CNTN5: variants seen among roughly 807,000 people sequenced by gnomAD.
The protein encoded by CNTN5 is contactin-5.
Under a neutral mutation model 129.1 loss-of-function variants are expected in CNTN5, and 77 were observed. That is an observed-to-expected ratio of 0.60 (90% confidence interval 0.50 to 0.72). The LOEUF is 0.72. Among genes scored for constraint, CNTN5 ranks in the 30% least tolerant of loss-of-function variants. The probability of loss-of-function intolerance (pLI) is 0.00; values close to 1 mark genes in which losing one functional copy is unlikely to be tolerated. For missense variants in CNTN5, 1,478 were observed against 1,328.8 expected, an observed-to-expected ratio of 1.11 and a Z score of -1.75; for synonymous variants, 509 against 465.6, an observed-to-expected ratio of 1.09 and a Z score of -1.20.
At chr11:99,763,219 A>G (rs1944647205) in intron 3 of CNTN5, among the ~76,000 whole-genome samples, 2 of 152,132 alleles carry the variant, frequency 1.3e-5, no homozygotes, top group Admixed American at 6.6e-5. Flanking sequence ...CTTGTCAGAT[A>G]TAGAATATAA....
Position 99,637,510 on chromosome 11 carries a change from T to G in CNTN5, c.55+81241T>G, listed in dbSNP as rs944105340. Among the ~76,000 whole-genome samples, 6 of 152,296 alleles carry G rather than the reference T, an allele frequency of 3.9e-5. 1 individual carries two copies. In the South Asian group the frequency reaches 1.2e-3, roughly 32 times the overall value. ...ATCTTGGAGAATTTCAGGTGGTTGATGAAGACTGTGCCAATTACTAAAAAA... is the reference window on the plus strand; with the variant it reads ...ATCTTGGAGAATTTCAGGTGGTTGAGGAAGACTGTGCCAATTACTAAAAAA... On this transcript the variant is annotated intron_variant, in intron 3 of 24. Coordinates refer to ENST00000524871, the MANE Select transcript of CNTN5 (RefSeq NM_014361.4).
chr11:99,162,155 TA>T (rs1860642409), intron 1 of CNTN5, among the ~76,000 whole-genome samples: 1 of 152,140 alleles, frequency 6.6e-6, no homozygotes, highest in Admixed American at 6.5e-5. Context: ...TGATCTAAAC[TA>T]AAAAGAGCTA....
intron 2 of CNTN5, among the ~76,000 whole-genome samples, chr11:99,349,390 G>C (rs1392703106): frequency 6.6e-6 from 1 of 152,204 alleles, no homozygotes; most frequent in South Asian, 2.1e-4. Flanking sequence ...CTACCCTTAA[G>C]TGAACTGCTG....
At chr11:99,871,999 A>G (rs1247983300) in intron 6 of CNTN5, among the ~76,000 whole-genome samples, 1 of 151,854 alleles carries the variant, frequency 6.6e-6, no homozygotes, top group Non-Finnish European at 1.5e-5. Context: ...GCCCTTAGAG[A>G]AAAATAAATG....
At chr11:99,744,721 GAAA>G (rs35204165) in intron 3 of CNTN5, among the ~76,000 whole-genome samples, 2,618 of 112,828 alleles carry the variant, frequency 0.023, 99 homozygotes, top group African/African-American at 0.084. Flanking sequence ...CCCTGTCTCA[GAAA>G]AAAAAAAAAA....
chr11:99,618,728 T>TTGTA (rs1950836606), intron 3 of CNTN5, among the ~76,000 whole-genome samples: 1 of 151,820 alleles, frequency 6.6e-6, no homozygotes, highest in Non-Finnish European at 1.5e-5. Context: ...ATTGTGTCTG[T>TTGTA]TATACCAGGC....
intron 2 of CNTN5, among the ~76,000 whole-genome samples, chr11:99,350,650 A>T (rs938767687): frequency 6.6e-6 from 1 of 152,168 alleles, no homozygotes; most frequent in Non-Finnish European, 1.5e-5. Flanking sequence ...TGATCATGTA[A>T]CAGTATGAGT....
chr11:100,040,789 A>C (rs1490441463), intron 9 of CNTN5, among the ~76,000 whole-genome samples: 1 of 152,152 alleles, frequency 6.6e-6, no homozygotes, highest in Non-Finnish European at 1.5e-5. Context: ...TGCGGGATAT[A>C]ATCTCCTGGT....
chr11:99,038,754 T>C (rs550034124), intron 1 of CNTN5, among the ~76,000 whole-genome samples: 1 of 152,100 alleles, frequency 6.6e-6, no homozygotes, highest in African/African-American at 2.4e-5. Context: ...GGATATATAT[T>C]ATTTTACAAT....
At chr11:99,388,472 G>T (rs1171550899) in intron 2 of CNTN5, among the ~76,000 whole-genome samples, 3 of 148,540 alleles carry the variant, frequency 2.0e-5, no homozygotes, top group African/African-American at 5.0e-5. Context: ...ATGGCACTTT[G>T]TACGCTTGTA....
At chr11:100,179,642 C>G (rs1342764524) in intron 13 of CNTN5, among the ~76,000 whole-genome samples, 1 of 151,948 alleles carries the variant, frequency 6.6e-6, no homozygotes, top group Non-Finnish European at 1.5e-5. Context: ...CATATAGTGT[C>G]TGATAATAAT....
At chr11:100,066,365 T>G (rs771785005) in intron 10 of CNTN5, among the ~76,000 whole-genome samples, 1 of 152,078 alleles carries the variant, frequency 6.6e-6, no homozygotes, top group Non-Finnish European at 1.5e-5. Context: ...TCTATGCGGA[T>G]AAAATATGTT....
intron 2 of CNTN5, among the ~76,000 whole-genome samples, chr11:99,507,415 T>C (rs1166412584): frequency 2.1e-5 from 3 of 143,550 alleles, no homozygotes; most frequent in African/African-American, 7.7e-5. Flanking sequence ...TTCAAAACAA[T>C]AGTCATCCCA....
At chr11:99,763,882 A>C (rs1944666928) in intron 3 of CNTN5, among the ~76,000 whole-genome samples, 1 of 152,086 alleles carries the variant, frequency 6.6e-6, no homozygotes, top group Non-Finnish European at 1.5e-5. Flanking sequence ...GGCAAAATAG[A>C]ATGAGAATGT....
intron 1 of CNTN5, among the ~76,000 whole-genome samples, chr11:99,097,351 C>T (rs760646206): frequency 3.0e-4 from 46 of 151,782 alleles, no homozygotes; most frequent in Non-Finnish European, 4.4e-4. Flanking sequence ...ACAAGCAAAG[C>T]AAAAATATGA....
chr11:99,525,460 C>G (rs183013614), intron 2 of CNTN5, among the ~76,000 whole-genome samples: 3 of 152,092 alleles, frequency 2.0e-5, no homozygotes, highest in Non-Finnish European at 4.4e-5. Context: ...AAGGCTCAAA[C>G]GATATGTCAA....
At chr11:100,329,728 A>G (rs1951864508) in intron 21 of CNTN5, among the ~76,000 whole-genome samples, 1 of 152,158 alleles carries the variant, frequency 6.6e-6, no homozygotes, top group Non-Finnish European at 1.5e-5. Flanking sequence ...GAGCAAAAAC[A>G]ATAACTATGG....
chr11:100,333,783 T>C (rs895338292), intron 21 of CNTN5, among the ~76,000 whole-genome samples: 13 of 152,150 alleles, frequency 8.5e-5, no homozygotes, highest in Admixed American at 5.9e-4. Flanking sequence ...AAAAATCAAC[T>C]CAAGATGGAT....
At chr11:99,277,517 T>A (rs962609077) in intron 1 of CNTN5, among the ~76,000 whole-genome samples, 2 of 151,736 alleles carry the variant, frequency 1.3e-5, no homozygotes, top group African/African-American at 4.8e-5. Context: ...AGCTTGTTGT[T>A]TTATTTCTTG....
Sources: allele counts gnomAD v4.1 joint callset (sites outside exome capture counted in the v4.1 genomes callset), GRCh38; gene constraint gnomAD v4.1.1; transcripts MANE v1.5; gene names NCBI Gene and HGNC (gene_info 2026-07-23, HGNC 2026-07-21).